DHX34: variants seen among roughly 807,000 people sequenced by gnomAD.
DHX34 encodes DExH-box helicase 34, also known as probable ATP-dependent RNA helicase DHX34.
Under a neutral mutation model 111.1 loss-of-function variants are expected in DHX34, and 96 were observed. The observed-to-expected ratio is 0.86, with a 90% CI of 0.73 to 1.02. The LOEUF (loss-of-function observed/expected upper bound fraction) is 1.02. DHX34 is among the 50% of genes least tolerant of loss of function. DHX34 has a pLI of 0.00. For missense variants in DHX34, 1,560 were observed against 1,579.9 expected (o/e 0.99, Z 0.21); for synonymous variants, 688 against 670.4 (o/e 1.03, Z -0.41).
intron 7 of DHX34, among the ~76,000 whole-genome samples, chr19:47,370,710 T>C (rs1367983101): frequency 6.6e-6 from 1 of 152,176 alleles, no homozygotes; most frequent in Non-Finnish European, 1.5e-5. Context: ...GGAGTTTCAC[T>C]CTGTCCTCCA....
chr19:47,375,789 C>G, intron 10 of DHX34, 81 bp downstream of exon 10: 2 of 1,555,516 alleles, frequency 1.3e-6, no homozygotes, highest in Non-Finnish European at 1.7e-6. Flanking sequence ...GGGGACATGG[C>G]CCTGTCCTCA....
chr19:47,376,655 C>A lies in DHX34; in HGVS notation c.2599+95C>A, dbSNP rs1041536844. On this transcript the variant is annotated intron_variant, in intron 12 of 16. Transcript: ENST00000328771. ...GCCCCTCTGGCTGGGGCTCCCACAC[C>A]GGCCCAGGCTGGTATTGACGGGGGC... The A allele has an allele frequency of 2.3e-4, 343 of 1,496,836 alleles. 1 individual carries two copies. Among genetic ancestry groups the A allele is most frequent in the Non-Finnish European group, 4.3e-5 (48 of 1,119,712 alleles). 92.7% of individuals were successfully genotyped at this position (1,496,836 alleles called of 1,614,324 possible). A position where few individuals can be genotyped will look rare whatever the true frequency, so the allele number is the denominator to read the frequency against.
chr19:47,350,103 T>A (rs1969239680), intron 1 of DHX34, among the ~76,000 whole-genome samples: 1 of 152,126 alleles, frequency 6.6e-6, no homozygotes, highest in Non-Finnish European at 1.5e-5. Flanking sequence ...AGGATAGGTC[T>A]GTGTGTTAAT....
chr19:47,366,897 A>C, intron 6 of DHX34, 84 bp from the exon 7 acceptor site: 1 of 1,419,044 alleles, frequency 7.0e-7, no homozygotes, highest in African/African-American at 1.5e-5. Flanking sequence ...TTAAAACGTC[A>C]TGAATTTGTG....
intron 1 of DHX34, 43 bp from the exon 2 acceptor site, chr19:47,352,711 T>C (rs1036620122): frequency 2.0e-5 from 6 of 297,088 alleles, no homozygotes; most frequent in Admixed American, 9.3e-5. Flanking sequence ...AAAAAAGCAA[T>C]GTTCCCAAAA....
chr19:47,371,334 C>T (rs542063846), intron 7 of DHX34, among the ~76,000 whole-genome samples: 5 of 152,360 alleles, frequency 3.3e-5, no homozygotes, highest in African/African-American at 1.2e-4. Flanking sequence ...CTGAGAGGCA[C>T]GGATGACCCT....
At chr19:47,373,818 C>A in intron 9 of DHX34, 118 bp downstream of exon 9, 1 of 1,250,890 alleles carries the variant, frequency 8.0e-7, no homozygotes, top group Non-Finnish European at 1.1e-6. Flanking sequence ...ACCCTGCACC[C>A]ACCTCCCCCA....
At chr19:47,379,461 T>G (rs1355224321) in intron 13 of DHX34, 1 of 314,656 alleles carries the variant, frequency 3.2e-6, no homozygotes. Flanking sequence ...TGCAGCTGTC[T>G]CTCTCCCAGC....
intron 16 of DHX34, chr19:47,381,753 ATGTCTCTCCTTGTGTCTTTCTCTC>A (rs1261469864): frequency 2.8e-6 from 2 of 725,484 alleles, no homozygotes; most frequent in Non-Finnish European, 3.4e-6. Flanking sequence ...CTCAGTCTCC[ATGTCTCTCCTTGTGTCTTTCTCTC>A]TGTCTCTCTC....
At chr19:47,360,165 G>A in intron 5 of DHX34, 95 bp downstream of exon 5, 1 of 1,186,600 alleles carries the variant, frequency 8.4e-7, no homozygotes, top group East Asian at 2.4e-5. Flanking sequence ...CACCAGCTTG[G>A]ATTGGGAAGT....
intron 16 of DHX34, 30 bp downstream of exon 16, chr19:47,381,354 C>T (rs748149236): frequency 5.6e-6 from 9 of 1,598,290 alleles, no homozygotes; most frequent in African/African-American, 5.4e-5. Flanking sequence ...GACCCGGCCA[C>T]CTCTGCCCAG....
Position 47,372,817 on chromosome 19 carries a change from C to A in DHX34, c.1856C>A (p.Thr619Asn), listed in dbSNP as rs1347787449. The A allele has an allele frequency of 6.2e-7, 1 of 1,613,078 alleles. No individual in the cohort carries two copies. Among genetic ancestry groups the A allele is most frequent in the Admixed American group, 1.7e-5 (1 of 59,988 alleles). Reference sequence around the variant, plus strand: ...GCACTTAGCGTCCAGTCGCCCTTCACCCGCAGCGCCCAGAGCAGCCCAGAG... The same window carrying A: ...GCACTTAGCGTCCAGTCGCCCTTCAACCGCAGCGCCCAGAGCAGCCCAGAG... The part of the protein sequence containing the change: ...AAALSVQSPF[T>N]RSAQSSPECA... Residue 619 changes from threonine (T) to asparagine (N), a missense_variant, in exon 8 of 17, where the codon ACC (threonine) becomes AAC (asparagine). Coordinates refer to ENST00000328771, the MANE Select transcript of DHX34 (RefSeq NM_014681.6).
intron 4 of DHX34, among the ~76,000 whole-genome samples, chr19:47,359,455 C>T (rs1181752293): frequency 1.3e-5 from 2 of 148,628 alleles, no homozygotes; most frequent in African/African-American, 5.0e-5. Flanking sequence ...GAGTGGGATC[C>T]TGTCTCAAAA....
At chr19:47,381,691 G>A in intron 16 of DHX34, 7 of 690,908 alleles carry the variant, frequency 1.0e-5, no homozygotes, top group Non-Finnish European at 1.6e-5. Context: ...GTTCAGTGGG[G>A]GAGATAGCAC....
At chr19:47,380,692 T>C (rs2122384100) in intron 14 of DHX34, 124 bp from the exon 15 acceptor site, 1 of 1,500,618 alleles carries the variant, frequency 6.7e-7, no homozygotes, top group Non-Finnish European at 8.9e-7. Context: ...TTGTGATTGG[T>C]GTAAGCACTT....
chr19:47,351,657 A>T (rs1041832565), intron 1 of DHX34, among the ~76,000 whole-genome samples: 3 of 152,182 alleles, frequency 2.0e-5, no homozygotes, highest in African/African-American at 7.2e-5. Context: ...AACTTGCCTG[A>T]TTATGATGGA....
chr19:47,359,592 G>GCCGA (rs1969562144), intron 4 of DHX34, among the ~76,000 whole-genome samples: 1 of 152,268 alleles, frequency 6.6e-6, no homozygotes, highest in East Asian at 1.9e-4. Flanking sequence ...GACCAGCCTG[G>GCCGA]CCGACATGGT....
rs942088582 is a variant in DHX34, at chr19:47,376,590, C to G, written c.2599+30C>G. 8 of 1,546,590 alleles carry G rather than the reference C, an allele frequency of 5.2e-6. No homozygotes were observed. In the African/African-American group the frequency reaches 9.6e-5, roughly 19 times the overall value. On this transcript the variant is annotated intron_variant, in intron 12 of 16. Transcript: ENST00000328771. ...AGTGAGCCCAGGCGGAAGGAACCCCCATCCGGGATGTGAGGGGCAGGGATA... is the reference window on the plus strand; with the variant it reads ...AGTGAGCCCAGGCGGAAGGAACCCCGATCCGGGATGTGAGGGGCAGGGATA...
Position 47,376,029 on chromosome 19 carries a change from G to A in DHX34, c.2413G>A (p.Gly805Ser), listed in dbSNP as rs370541599. Residue 805 changes from glycine (G) to serine (S), a missense_variant, in exon 11 of 17, where the codon GGC (glycine) becomes AGC (serine). Physicochemically the swap from Gly to Ser is moderately conservative, Grantham distance 56 (BLOSUM62 0). Coordinates refer to ENST00000328771, the MANE Select transcript of DHX34 (RefSeq NM_014681.6). ...EQLALLKLVL[G>S]RGLYPQLAVP... is the part of the protein sequence containing the mutation. ...GCTGGCTCTGCTGAAGCTGGTGCTG[G>A]GCCGGGGCCTGTACCCACAGCTGGC... 1.0e-5 allele frequency: 16 copies of A among 1,603,986 alleles called. No homozygotes were observed. The African/African-American group carries it at 1.5e-4, about 15-fold the overall frequency.
Sources: allele counts gnomAD v4.1 joint callset (sites outside exome capture counted in the v4.1 genomes callset), GRCh38; gene constraint gnomAD v4.1.1; transcripts MANE v1.5; gene names NCBI Gene and HGNC (gene_info 2026-07-23, HGNC 2026-07-21).